MCF2: variants seen among roughly 807,000 people sequenced by gnomAD.
The protein encoded by MCF2 is MCF.2 cell line derived transforming sequence, also known as proto-oncogene DBL.
MCF2 carries 44 observed loss-of-function variants against 82.5 expected under a neutral mutation model. The observed-to-expected ratio is 0.53, with a 90% CI of 0.42 to 0.69. The LOEUF (loss-of-function observed/expected upper bound fraction) is 0.69. Among genes scored for constraint, MCF2 ranks in the 30% least tolerant of loss-of-function variants. MCF2 has a pLI of 0.00. For synonymous variants in MCF2, 217 were observed against 224.9 expected (o/e 0.96, Z 0.32); for missense variants, 623 against 663.1 (o/e 0.94, Z 0.66).
At position 139,588,325 on chromosome X, in the gene MCF2, A is replaced by T. The variant is rs759338743; in HGVS notation, c.2449+35T>A. ...ATCTGAGTCAATAAGCTGTTACTAT[A>T]CTTCTTGTTCTGAAGAATGCAGGCT... On this transcript the variant is annotated intron_variant, in intron 21 of 24. Transcript: ENST00000370576. 5.5e-6 allele frequency: 6 copies of T among 1,088,401 alleles called. No homozygotes were observed. In the Admixed American group the frequency reaches 1.4e-4, roughly 25 times the overall value. The allele number at this position is 1,088,401 out of a possible 1,213,427, so 89.7% of individuals were successfully genotyped here.
intron 1 of MCF2, among the ~76,000 whole-genome samples, chrX:139,687,404 G>A (rs1451305862): frequency 8.8e-6 from 1 of 113,252 alleles, no homozygotes; most frequent in Non-Finnish European, 1.9e-5. Flanking sequence ...ACAAGACGTC[G>A]AAGCAACAGA....
chrX:139,649,718 A>G lies in MCF2; in HGVS notation c.25+2002T>C, dbSNP rs769217009. 1.7e-3 allele frequency among the ~76,000 whole-genome samples: 188 copies of G among 111,999 alleles called. 2 individuals are homozygous for G. The highest frequency in any genetic ancestry group is 3.0e-3 in the Non-Finnish European group (162 of 53,205). The stretch of plus-strand genomic sequence containing the variant: ...TTTTAATTATTTTTTACCATTGGGA[A>G]CCCTTTCTTCAAAGGAAGCTATAGG... On this transcript the variant is annotated intron_variant, in intron 2 of 27. Transcript: ENST00000414978.
intron 1 of MCF2, among the ~76,000 whole-genome samples, chrX:139,686,015 A>G (rs1935113390): frequency 9.1e-6 from 1 of 109,360 alleles, no homozygotes. Context: ...AAACCACATG[A>G]TTATCTCAAT....
intron 4 of MCF2, among the ~76,000 whole-genome samples, chrX:139,627,077 T>TTAG (rs1431848146): frequency 2.7e-5 from 3 of 111,808 alleles, no homozygotes; most frequent in Non-Finnish European, 3.8e-5. Context: ...ATCCAGTCCA[T>TTAG]CCTATTCTGC....
chrX:139,644,139 A>AT (rs1324154991), upstream of MCF2, among the ~76,000 whole-genome samples: 7 of 112,230 alleles, frequency 6.2e-5, no homozygotes, highest in Non-Finnish European at 1.1e-4. Context: ...CTCAAAAGAA[A>AT]TTTTACCTTT....
rs562459194 is a variant in MCF2 at position 139,679,435 on chromosome X, A to G, written c.-44-27647T>C. On this transcript the variant is annotated intron_variant, in intron 1 of 27. Transcript: ENST00000414978. ...CCACACAACTTTAACTTTTTTTTCCATGTGTTTTTCAGCCACTCTAATCAT... is the reference window on the plus strand; with the variant it reads ...CCACACAACTTTAACTTTTTTTTCCGTGTGTTTTTCAGCCACTCTAATCAT... 8.7e-4 allele frequency among the ~76,000 whole-genome samples: 97 copies of G among 112,046 alleles called. 2 individuals carry two copies. In the South Asian group the frequency reaches 0.035, roughly 40 times the overall value.
chrX:139,707,445 T>G (rs1409445162), intron 1 of MCF2, among the ~76,000 whole-genome samples: 1 of 111,268 alleles, frequency 9.0e-6, no homozygotes, highest in African/African-American at 3.3e-5. Flanking sequence ...AGACCTCCCA[T>G]TTTTCTTTGC....
At chrX:139,642,424 G>T in intron 1 of MCF2, 3 of 1,209,589 alleles carry the variant, frequency 2.5e-6, no homozygotes, top group Non-Finnish European at 3.4e-6. Context: ...CCCAGCACTT[G>T]AACTTGGGAA....
intron 1 of MCF2, among the ~76,000 whole-genome samples, chrX:139,698,658 G>A (rs753941663): frequency 3.6e-5 from 4 of 111,700 alleles, no homozygotes; most frequent in Middle Eastern, 4.6e-3. Context: ...ATAGACTCAC[G>A]CTAAGGTCCA....
chrX:139,683,455 T>C (rs996070489), intron 1 of MCF2, among the ~76,000 whole-genome samples: 1 of 112,606 alleles, frequency 8.9e-6, no homozygotes, highest in East Asian at 2.8e-4. Flanking sequence ...ACATCCCAGA[T>C]GGCTTTTTGC....
intron 2 of MCF2, among the ~76,000 whole-genome samples, chrX:139,651,222 A>C (rs967748616): frequency 8.9e-6 from 1 of 111,800 alleles, no homozygotes; most frequent in Non-Finnish European, 1.9e-5. Context: ...ATTACTAAAA[A>C]TTATATACAA....
chrX:139,613,540 T>C (rs1180925721), intron 10 of MCF2, among the ~76,000 whole-genome samples: 2 of 111,383 alleles, frequency 1.8e-5, no homozygotes, highest in East Asian at 5.6e-4. Flanking sequence ...ACCCTATCTT[T>C]ACAATAACCT....
At position 139,605,706 on chromosome X, in the gene MCF2, C is replaced by T. The variant is rs780594927; in HGVS notation, c.1557+7G>A. ...AAGATAGGGCAAATACAATTTGAGT[C>T]GCTTACCAACAAAACAGTATACAGT... On this transcript the variant is annotated splice_region_variant and intron_variant, in intron 13 of 24. Transcript: ENST00000370576. The T allele has an allele frequency of 5.6e-5, 67 of 1,187,394 alleles. No individual in the cohort carries two copies. The highest frequency in any genetic ancestry group is 7.1e-5 in the African/African-American group (4 of 56,162).
At chrX:139,590,238 C>A (rs929513387) in intron 19 of MCF2, among the ~76,000 whole-genome samples, 1 of 110,830 alleles carries the variant, frequency 9.0e-6, no homozygotes, top group Admixed American at 9.6e-5. Context: ...ACTATTAAAA[C>A]AAATTATTGA....
At chrX:139,629,464 G>T (rs1932849975) in intron 4 of MCF2, among the ~76,000 whole-genome samples, 1 of 112,124 alleles carries the variant, frequency 8.9e-6, no homozygotes, top group African/African-American at 3.2e-5. Flanking sequence ...TTTATAAGAT[G>T]TTTTTAAATA....
In MCF2 at chrX:139,589,958, C is replaced by A. The variant is rs181575016; in HGVS notation, c.2278-31G>T. ...ATAAATAAGTCAAAATTTTCATGAG[C>A]ATTTTATTTTGAATATGAAATTACA... On this transcript the variant is annotated intron_variant, in intron 19 of 24. Transcript: ENST00000370576. The A allele has an allele frequency of 1.5e-3, 1,336 of 903,721 alleles. 14 individuals are homozygous for A. In the African/African-American group the frequency reaches 0.023, roughly 15 times the overall value. 74.5% of individuals were successfully genotyped at this position (903,721 alleles called of 1,213,427 possible). A position where few individuals can be genotyped will look rare whatever the true frequency, so the allele number is the denominator to read the frequency against.
intron 1 of MCF2, 66 bp from the exon 5 acceptor site, chrX:139,632,520 A>G (rs1932980626): frequency 2.1e-6 from 2 of 946,119 alleles, no homozygotes; most frequent in East Asian, 3.2e-5. Flanking sequence ...CTGAGCACAT[A>G]TCAGAAAATA....
intron 1 of MCF2, among the ~76,000 whole-genome samples, chrX:139,669,221 A>C (rs980873798): frequency 8.9e-6 from 1 of 111,980 alleles, no homozygotes; most frequent in African/African-American, 3.2e-5. Context: ...AATGGGCAAA[A>C]TATTTGAATA....
At chrX:139,633,987 C>T (rs1447339696) in intron 1 of MCF2, among the ~76,000 whole-genome samples, 1 of 111,327 alleles carries the variant, frequency 9.0e-6, no homozygotes, top group African/African-American at 3.3e-5. Flanking sequence ...AATAGTACAA[C>T]CTTCACTGAG....
Sources: gnomAD v4.1 joint callset for allele counts (sites outside exome capture counted in the v4.1 genomes callset) on GRCh38, gnomAD v4.1.1 for gene constraint, MANE v1.5 for transcripts, NCBI Gene and HGNC (gene_info 2026-07-23, HGNC 2026-07-21) for gene names.